The following ADAM29 variants were observed in gnomAD, a reference collection of about 807,000 sequenced individuals.
ADAM29 encodes the protein disintegrin and metalloproteinase domain-containing protein 29.
For missense variants in ADAM29, 969 were observed against 1,001.8 expected, an observed-to-expected ratio of 0.97 and a Z score of 0.44; for synonymous variants, 367 against 342.3, an observed-to-expected ratio of 1.07 and a Z score of -0.80.
intron 4 of ADAM29, among the ~76,000 whole-genome samples, chr4:174,967,443 T>A (rs1354858867): frequency 6.6e-6 from 1 of 152,204 alleles, no homozygotes; most frequent in Non-Finnish European, 1.5e-5. Flanking sequence ...CTTTTGCTAT[T>A]TTCCAAAATT....
Position 174,922,744 on chromosome 4 carries a change from C to T in ADAM29, c.-451+1952C>T, listed in dbSNP as rs530507575. Among the ~76,000 whole-genome samples, 362 of 151,802 alleles carry T rather than the reference C, an allele frequency of 2.4e-3. 2 individuals carry two copies. The highest frequency in any genetic ancestry group is 8.4e-3 in the African/African-American group (350 of 41,454). ...ATTTTTATCCTAAAAAATATTTATT[C>T]TGTTAGTTATTTTATCCCCCCACTA... On this transcript the variant is annotated intron_variant, in intron 2 of 4. Coordinates refer to ENST00000359240, the MANE Select transcript of ADAM29 (RefSeq NM_014269.4).
rs777679425 is a variant in ADAM29, at chr4:174,975,596, AC to A, written c.76del (p.Gln26AsnfsTer9). On this transcript the variant is annotated frameshift_variant, in exon 5 of 5. Coordinates refer to ENST00000359240, the MANE Select transcript of ADAM29 (RefSeq NM_014269.4). LOFTEE classifies it low-confidence loss of function (END_TRUNC). ...TGTTCTGGACACATCCAGGATGAGCACCCCCAATATCACAGCCCTCCGGATG... is the reference window on the plus strand; with the variant it reads ...TGTTCTGGACACATCCAGGATGAGCACCCCAATATCACAGCCCTCCGGATG... ...LSCSGHIQDEHPQYHSPPDVV... is the reference protein window; with the variant it reads ...LSCSGHIQDEXPQYHSPPDVV... The A allele has an allele frequency of 2.5e-6, 4 of 1,598,380 alleles. No individual in the cohort carries two copies. The African/African-American group carries it at 4.0e-5, about 16-fold the overall frequency.
chr4:174,919,132 A>T (rs1743031676), intron 1 of ADAM29: 1 of 152,194 alleles, frequency 6.6e-6, no homozygotes, highest in African/African-American at 2.4e-5. Flanking sequence ...GACTGACTCC[A>T]TCCATCTAAT....
At position 174,977,016 on chromosome 4, in the gene ADAM29, C is replaced by T. The variant is rs573613997; in HGVS notation, c.1491C>T (p.Ser497=). The T allele has an allele frequency of 1.9e-6, 3 of 1,614,126 alleles. No homozygotes were observed. The East Asian group carries it at 6.7e-5, about 36-fold the overall frequency. ...CKERGYCYEK[S]CHDRNEQCRR... ...AGAGGGGCTACTGCTATGAAAAGAG[C>T]TGTCATGACCGCAATGAACAGTGTA... The change falls in exon 5 of 5, where the codon AGC becomes AGT. Residue 497 remains serine, a synonymous_variant. Transcript: ENST00000359240.
At chr4:174,928,118 C>T (rs998690395) in intron 2 of ADAM29, among the ~76,000 whole-genome samples, 1 of 152,066 alleles carries the variant, frequency 6.6e-6, no homozygotes, top group Non-Finnish European at 1.5e-5. Flanking sequence ...TAAGGGTATA[C>T]AAAAACCTTC....
chr4:174,946,913 A>G (rs958944955), intron 4 of ADAM29, among the ~76,000 whole-genome samples: 1 of 152,014 alleles, frequency 6.6e-6, no homozygotes, highest in Non-Finnish European at 1.5e-5. Context: ...TACTGATTCA[A>G]TTTTGGAACT....
At chr4:174,926,758 A>G (rs62334415) in intron 2 of ADAM29, among the ~76,000 whole-genome samples, 39,375 of 151,462 alleles carry the variant, frequency 0.26, 5,898 homozygotes, top group Non-Finnish European at 0.34. Context: ...ACAACAAAAC[A>G]TAACACTGTT....
chr4:174,968,875 A>C (rs1746306538), intron 4 of ADAM29, among the ~76,000 whole-genome samples: 2 of 152,030 alleles, frequency 1.3e-5, no homozygotes, highest in African/African-American at 4.8e-5. Context: ...AATTGCCACT[A>C]TCATAGATTG....
chr4:174,938,998 A>G (rs950369453), intron 4 of ADAM29, among the ~76,000 whole-genome samples: 4 of 152,108 alleles, frequency 2.6e-5, no homozygotes, highest in Non-Finnish European at 5.9e-5. Flanking sequence ...TTATGTGACC[A>G]TGTCTTCTCA....
intron 4 of ADAM29, among the ~76,000 whole-genome samples, chr4:174,968,590 C>T (rs915271390): frequency 1.3e-5 from 2 of 152,132 alleles, no homozygotes; most frequent in Non-Finnish European, 2.9e-5. Flanking sequence ...CAATTATCTG[C>T]TTTTAACTTT....
intron 4 of ADAM29, among the ~76,000 whole-genome samples, chr4:174,941,201 T>G (rs868831443): frequency 6.6e-6 from 1 of 152,170 alleles, no homozygotes; most frequent in Non-Finnish European, 1.5e-5. Flanking sequence ...TATCTTGGTC[T>G]TGGGGTAAAG....
intron 4 of ADAM29, among the ~76,000 whole-genome samples, chr4:174,947,331 A>G (rs1744914516): frequency 6.6e-6 from 1 of 152,064 alleles, no homozygotes. Flanking sequence ...GTTCCTCTAG[A>G]TAACATGTTG....
At position 174,976,260 on chromosome 4, in the gene ADAM29, A is replaced by T; in HGVS notation, c.735A>T (p.Leu245Phe). ...ATGTCATTGGTGTTAAGGTGTTATT[A>T]TTTGGTTTGGAGATCTGGACCAATA... ...ILDVIGVKVL[L>F]FGLEIWTNKN... The change falls in exon 5 of 5, where the codon TTA becomes TTT. Residue 245 changes from leucine to phenylalanine, a missense_variant. Physicochemically the swap from Leu to Phe is conservative, Grantham distance 22 (BLOSUM62 0). Coordinates refer to ENST00000359240, the MANE Select transcript of ADAM29 (RefSeq NM_014269.4). 6.2e-7 allele frequency: 1 copy of T among 1,609,480 alleles called. No homozygotes were observed. The highest frequency in any genetic ancestry group is 8.5e-7 in the Non-Finnish European group (1 of 1,178,474).
At chr4:174,935,154 G>T (rs4271992) in intron 3 of ADAM29, among the ~76,000 whole-genome samples, 134,797 of 152,108 alleles carry the variant, frequency 0.89, 60,060 homozygotes, top group East Asian at 0.96. Flanking sequence ...GCCCTTGTTT[G>T]GAAAACCAGT....
chr4:174,964,857 A>G (rs535233878), intron 4 of ADAM29, among the ~76,000 whole-genome samples: 72 of 152,042 alleles, frequency 4.7e-4, no homozygotes, highest in Admixed American at 7.2e-4. Flanking sequence ...TGTGTTTGCA[A>G]AATTCTTTAT....
At chr4:174,952,358 AC>A (rs1745227800) in intron 4 of ADAM29, among the ~76,000 whole-genome samples, 1 of 151,408 alleles carries the variant, frequency 6.6e-6, no homozygotes, top group Non-Finnish European at 1.5e-5. Context: ...AACCACACAC[AC>A]ACACACACAC....
In ADAM29 at chr4:174,976,817, T is replaced by C. The variant is rs1410492113; in HGVS notation, c.1292T>C (p.Leu431Pro). 1 of 1,614,100 alleles carries C rather than the reference T, an allele frequency of 6.2e-7. No homozygotes were observed. The highest frequency in any genetic ancestry group is 1.3e-5 in the African/African-American group (1 of 74,944). The change falls in exon 5 of 5, where the codon CTG (leucine) becomes CCG (proline). Residue 431 changes from leucine to proline, a missense_variant. Physicochemically the swap from Leu to Pro is moderately conservative, Grantham distance 98. Transcript: ENST00000359240. ...CCCTGCTGTCTGTCAAATTGCACTC[T>C]GACTGATGGTTCTACTTGTGCTTTT... ...KDPCCLSNCTLTDGSTCAFGL... is the reference protein window; with the variant it reads ...KDPCCLSNCTPTDGSTCAFGL...
At chr4:174,958,759 T>C (rs1264160045) in intron 4 of ADAM29, among the ~76,000 whole-genome samples, 1 of 151,858 alleles carries the variant, frequency 6.6e-6, no homozygotes, top group Non-Finnish European at 1.5e-5. Context: ...TATTATTCCA[T>C]TTTATTTGGC....
intron 4 of ADAM29, among the ~76,000 whole-genome samples, chr4:174,937,444 A>G (rs1744266702): frequency 1.3e-5 from 2 of 152,052 alleles, no homozygotes; most frequent in Admixed American, 1.3e-4. Flanking sequence ...TTCAGTTGTC[A>G]AAGTTCAAAA....
Sources: gnomAD v4.1 joint callset for allele counts (sites outside exome capture counted in the v4.1 genomes callset) on GRCh38, gnomAD v4.1.1 for gene constraint, MANE v1.5 for transcripts, NCBI Gene and HGNC (gene_info 2026-07-23, HGNC 2026-07-21) for gene names.